Variants in TG observed in about 807,000 individuals in gnomAD.
TG encodes the protein thyroid hormones.
A neutral mutation model predicts 324.7 loss-of-function variants in TG; 270 were observed. The ratio of observed to expected loss-of-function variants is 0.83; its 90% CI spans 0.75 to 0.92. The LOEUF is 0.92. TG is among the 40% of genes least tolerant of loss of function. TG has a pLI of 0.00. For missense variants in TG, 3,591 were observed against 3,456.4 expected, an observed-to-expected ratio of 1.04 and a Z score of -0.98; for synonymous variants, 1,401 against 1,327.0, an observed-to-expected ratio of 1.06 and a Z score of -1.21.
At chr8:132,975,686 G>A (rs534702404) in intron 34 of TG, among the ~76,000 whole-genome samples, 6 of 152,290 alleles carry the variant, frequency 3.9e-5, no homozygotes, top group African/African-American at 1.2e-4. Flanking sequence ...CACTTTGCAT[G>A]CACTATCTCA....
At chr8:133,097,852 T>C (rs1848660913) in intron 43 of TG, among the ~76,000 whole-genome samples, 1 of 152,220 alleles carries the variant, frequency 6.6e-6, no homozygotes, top group Non-Finnish European at 1.5e-5. Context: ...GAAGCAGGGC[T>C]GGTGAGGTTT....
intron 41 of TG, chr8:133,046,353 A>C (rs940886000): frequency 6.6e-6 from 1 of 152,280 alleles, no homozygotes; most frequent in African/African-American, 2.4e-5. Context: ...TAGAGCCCCT[A>C]TGGGATATGG....
chr8:132,893,627 A>T (rs112756387), intron 10 of TG, 63 bp from the exon 11 acceptor site: 4 of 1,609,676 alleles, frequency 2.5e-6, no homozygotes, highest in African/African-American at 1.3e-5. Context: ...CACATGCTTC[A>T]TGGGAGTCAG....
intron 47 of TG, 97 bp downstream of exon 47, chr8:133,133,757 C>T (rs34419422): frequency 0.2 from 282,307 of 1,389,836 alleles, 30,527 homozygotes; most frequent in Middle Eastern, 0.22. Context: ...GCATTGGAGC[C>T]AAGGGGTCAC....
intron 4 of TG, 145 bp from the exon 5 acceptor site, chr8:132,872,917 A>G: frequency 1.1e-6 from 1 of 879,276 alleles, no homozygotes; most frequent in Non-Finnish European, 1.8e-6. Flanking sequence ...ACACTCTATG[A>G]TGTTCACACG....
chr8:133,026,615 G>A (rs750992533), intron 40 of TG, among the ~76,000 whole-genome samples: 5 of 152,228 alleles, frequency 3.3e-5, no homozygotes, highest in Non-Finnish European at 7.3e-5. Flanking sequence ...GGGCCTATGG[G>A]CTCTGCAGGG....
In TG at chr8:132,966,838, A is replaced by C. The variant is rs529204438; in HGVS notation, c.5686+141A>C. 46 of 1,017,378 alleles carry C rather than the reference A, an allele frequency of 4.5e-5. No individual in the cohort carries two copies. The Middle Eastern group carries it at 1.3e-3, about 29-fold the overall frequency. 63.0% of individuals were successfully genotyped at this position (1,017,378 alleles called of 1,614,324 possible). On this transcript the variant is annotated intron_variant, in intron 30 of 47. Transcript: ENST00000220616. ...GATCACTGTGGATGATATAAAAGAAAGATAGCACATAACCCATATCTTCAA... is the reference window on the plus strand; with the variant it reads ...GATCACTGTGGATGATATAAAAGAACGATAGCACATAACCCATATCTTCAA...
intron 41 of TG, chr8:133,044,927 G>A (rs1330939659): frequency 1.9e-6 from 3 of 1,581,016 alleles, no homozygotes; most frequent in Non-Finnish European, 1.7e-6. Flanking sequence ...GCGCCACAGA[G>A]CAATTAGCTA....
intron 45 of TG, among the ~76,000 whole-genome samples, chr8:133,123,552 T>C (rs920538359): frequency 1.3e-5 from 2 of 152,150 alleles, no homozygotes; most frequent in African/African-American, 2.4e-5. Flanking sequence ...CCGTCTCTGG[T>C]ATTTCCATCT....
At chr8:132,972,536 G>T in intron 33 of TG, 62 bp from the exon 34 acceptor site, 1 of 1,580,628 alleles carries the variant, frequency 6.3e-7, no homozygotes, top group South Asian at 1.1e-5. Context: ...TCATTTATTA[G>T]ACTCTTCCAT....
In TG at chr8:132,871,566, G is replaced by A. The variant is rs141561325; in HGVS notation, c.478+15G>A. The stretch of plus-strand genomic sequence containing the variant: ...GCCAAAGCGATGTGAGTTTCACTGA[G>A]CGCCTGCACCCCTAGAGCTGGGGAG... On this transcript the variant is annotated intron_variant, in intron 4 of 47. Coordinates refer to ENST00000220616, the MANE Select transcript of TG (RefSeq NM_003235.5). The A allele has an allele frequency of 2.7e-3, 4,347 of 1,611,436 alleles. 144 individuals carry two copies. The Admixed American group carries it at 0.061, about 23-fold the overall frequency.
intron 36 of TG, among the ~76,000 whole-genome samples, chr8:133,012,384 G>A (rs775646265): frequency 3.3e-5 from 5 of 152,194 alleles, no homozygotes; most frequent in African/African-American, 4.8e-5. Context: ...TGAGGAGGAA[G>A]TACACTTGTC....
chr8:132,879,277 T>G (rs1814302169), intron 5 of TG, among the ~76,000 whole-genome samples: 1 of 152,204 alleles, frequency 6.6e-6, no homozygotes, highest in East Asian at 1.9e-4. Flanking sequence ...CCCAAAGGAC[T>G]GTGCTCTATT....
chr8:132,915,418 A>C (rs1345645478), intron 20 of TG, among the ~76,000 whole-genome samples: 1 of 152,174 alleles, frequency 6.6e-6, no homozygotes, highest in Non-Finnish European at 1.5e-5. Context: ...GTTCCTGTCA[A>C]CAAGAAGATG....
intron 24 of TG, among the ~76,000 whole-genome samples, chr8:132,934,356 A>G (rs970339560): frequency 2.0e-5 from 3 of 152,100 alleles, no homozygotes; most frequent in Non-Finnish European, 4.4e-5. Flanking sequence ...AAAAAAACCT[A>G]TAATTGTGGC....
chr8:133,005,440 A>C (rs1195064798), intron 35 of TG, among the ~76,000 whole-genome samples: 2 of 152,168 alleles, frequency 1.3e-5, no homozygotes, highest in Non-Finnish European at 2.9e-5. Flanking sequence ...ATTTTGAAAA[A>C]ACAGTGTCCA....
intron 23 of TG, among the ~76,000 whole-genome samples, 156 bp downstream of exon 23, chr8:132,929,348 T>G (rs921818732): frequency 1.3e-5 from 2 of 152,260 alleles, no homozygotes; most frequent in Admixed American, 1.3e-4. Flanking sequence ...AGAATGCATA[T>G]TCAATTCATA....
chr8:133,104,413 G>A (rs1189048934), intron 43 of TG, among the ~76,000 whole-genome samples: 1 of 152,154 alleles, frequency 6.6e-6, no homozygotes, highest in Non-Finnish European at 1.5e-5. Flanking sequence ...GATCAGATTG[G>A]GCTCTATTGT....
At chr8:133,068,499 A>G (rs2131399622) in intron 41 of TG, among the ~76,000 whole-genome samples, 1 of 152,350 alleles carries the variant, frequency 6.6e-6, no homozygotes, top group African/African-American at 2.4e-5. Flanking sequence ...TCCATTCTTT[A>G]TTAAGTCACT....
Sources: allele counts gnomAD v4.1 joint callset (sites outside exome capture counted in the v4.1 genomes callset), GRCh38; gene constraint gnomAD v4.1.1; transcripts MANE v1.5; gene names NCBI Gene and HGNC (gene_info 2026-07-23, HGNC 2026-07-21).